BLM: variants seen among roughly 807,000 people sequenced by gnomAD.
BLM encodes recQ-like DNA helicase BLM.
BLM carries 95 observed loss-of-function variants against 135.3 expected under a neutral mutation model. That is an observed-to-expected ratio of 0.70 (90% CI 0.59 to 0.83). The LOEUF (loss-of-function observed/expected upper bound fraction) is 0.83, where lower values mean the gene tolerates loss of function less well. Among genes scored for constraint, BLM ranks in the 40% least tolerant of loss-of-function variants. The pLI is 0.00. For synonymous variants in BLM, 520 were observed against 589.2 expected, an observed-to-expected ratio of 0.88 and a Z score of 1.70; for missense variants, 1,518 against 1,663.9, an observed-to-expected ratio of 0.91 and a Z score of 1.53.
intron 4 of BLM, among the ~76,000 whole-genome samples, chr15:90,753,846 C>T (rs1263752107): frequency 6.6e-6 from 1 of 152,200 alleles, no homozygotes; most frequent in Non-Finnish European, 1.5e-5. Context: ...AGCTTTATCT[C>T]CACTTATGCC....
At chr15:90,742,132 A>T (rs1254735292) in intron 1 of BLM, among the ~76,000 whole-genome samples, 2 of 152,214 alleles carry the variant, frequency 1.3e-5, no homozygotes, top group African/African-American at 2.4e-5. Context: ...TTTATCAGAG[A>T]ACAGAAAGTT....
rs1469527799 is a variant in BLM, at chr15:90,803,613, C to T, written c.3451C>T (p.Leu1151Phe). ...NAERLFKKLI[L>F]DKILDEDLYI... The stretch of plus-strand genomic sequence containing the variant: ...CGAAAGACTTTTTAAAAAGCTGATA[C>T]TTGACAAGATTTTGGATGAAGACTT... The change falls in exon 18 of 22, where the codon CTT becomes TTT. Residue 1151 changes from leucine (L) to phenylalanine (F), a missense_variant. By Grantham distance (22) the Leu-to-Phe change is conservative. Around this residue, in one of 5 missense-constraint regions of BLM, gnomAD observed 626 missense variants for 681.1 expected, o/e 0.92. Coordinates refer to ENST00000355112, the MANE Select transcript of BLM (RefSeq NM_000057.4). 2.5e-6 allele frequency: 4 copies of T among 1,614,092 alleles called. No individual in the cohort carries two copies. The highest frequency in any genetic ancestry group is 3.3e-5 in the Admixed American group (2 of 60,020).
chr15:90,805,868 TA>T (rs1447356766), intron 19 of BLM, among the ~76,000 whole-genome samples: 1 of 151,896 alleles, frequency 6.6e-6, no homozygotes, highest in African/African-American at 2.4e-5. Flanking sequence ...ATTACTTCAT[TA>T]TTTGTGCTGA....
In BLM at chr15:90,760,243, A is replaced by G; in HGVS notation, c.1184A>G (p.Asp395Gly). 6.2e-7 allele frequency: 1 copy of G among 1,614,116 alleles called. No homozygotes were observed. The highest frequency in any genetic ancestry group is 8.5e-7 in the Non-Finnish European group (1 of 1,180,030). ...CCTGATGATAAACTGAAACTTTTGG[A>G]TTGTGGGAACGAACTGCTTCAGCAG... ...TIPDDKLKLLDCGNELLQQRN... is the reference protein window; with the variant it reads ...TIPDDKLKLLGCGNELLQQRN... The change falls in exon 6 of 22, where the codon GAT becomes GGT. Residue 395 changes from aspartate to glycine, a missense_variant. Around this residue, in one of 5 missense-constraint regions of BLM, gnomAD observed 724 missense variants for 756.9 expected, o/e 0.96. Coordinates refer to ENST00000355112, the MANE Select transcript of BLM (RefSeq NM_000057.4).
intron 1 of BLM, among the ~76,000 whole-genome samples, chr15:90,741,787 A>G (rs891698634): frequency 2.6e-5 from 4 of 152,140 alleles, no homozygotes; most frequent in African/African-American, 7.2e-5. Flanking sequence ...CCTTTTTCGA[A>G]TATTTTTGCA....
intron 5 of BLM, among the ~76,000 whole-genome samples, chr15:90,757,216 C>T (rs1196117294): frequency 6.6e-6 from 1 of 151,814 alleles, no homozygotes; most frequent in Non-Finnish European, 1.5e-5. Context: ...TTGGCAATCA[C>T]TTTCAAATTT....
Position 90,749,554 on chromosome 15 carries a change from G to A in BLM, c.286G>A (p.Gly96Arg), listed in dbSNP as rs2151147019. 1 of 1,614,190 alleles carries A rather than the reference G, an allele frequency of 6.2e-7. No individual in the cohort carries two copies. Among genetic ancestry groups the A allele is most frequent in the Non-Finnish European group, 8.5e-7 (1 of 1,180,044 alleles). ...GGACTTCTTTAAAAATGCTCCAGCAGGACAGGAAACACAGAGAGGTGGATC... is the reference window on the plus strand; with the variant it reads ...GGACTTCTTTAAAAATGCTCCAGCAAGACAGGAAACACAGAGAGGTGGATC... Reference protein sequence around the residue: ...VKDFFKNAPAGQETQRGGSKS... With the variant: ...VKDFFKNAPARQETQRGGSKS... Residue 96 changes from glycine (G) to arginine (R), a missense_variant, in exon 3 of 22, where the codon GGA becomes AGA. By Grantham distance (125) the Gly-to-Arg change is moderately radical (BLOSUM62 -2). Transcript: ENST00000355112.
At chr15:90,727,613 CAG>C (rs1293698169) in intron 1 of BLM, among the ~76,000 whole-genome samples, 2 of 152,122 alleles carry the variant, frequency 1.3e-5, no homozygotes, top group Non-Finnish European at 2.9e-5. Context: ...CCCCTAGATT[CAG>C]AGTCTCTAAC....
intron 12 of BLM, among the ~76,000 whole-genome samples, chr15:90,778,267 G>A (rs1896530388): frequency 6.6e-6 from 1 of 152,088 alleles, no homozygotes; most frequent in African/African-American, 2.4e-5. Context: ...AAAGTAATTT[G>A]TTTGACTAAA....
intron 19 of BLM, among the ~76,000 whole-genome samples, chr15:90,804,840 TTTTG>T (rs1241887217): frequency 6.6e-6 from 1 of 152,128 alleles, no homozygotes. Flanking sequence ...CTTATTCTTT[TTTTG>T]TTTGTTTTTG....
In BLM at chr15:90,790,804, T is replaced by C. The variant is rs1896887595; in HGVS notation, c.2979T>C (p.Tyr993=). 1 of 1,614,082 alleles carries C rather than the reference T, an allele frequency of 6.2e-7. No homozygotes were observed. The highest frequency in any genetic ancestry group is 8.5e-7 in the Non-Finnish European group (1 of 1,180,034). Residue 993 remains tyrosine (Y), a synonymous_variant, in exon 15 of 22, where the codon TAT becomes TAC. Transcript: ENST00000355112. ...AAATATCTCACTGCCTGCTTTTCTA[T>C]ACCTATCATGATGTGACCAGACTGA... is the stretch of plus-strand genomic sequence containing the variant. The part of the protein sequence containing the change: ...DGEISHCLLF[Y]TYHDVTRLKR...
chr15:90,749,229 T>C (rs1895595230), intron 2 of BLM, 138 bp from the exon 3 acceptor site: 1 of 644,954 alleles, frequency 1.6e-6, no homozygotes, highest in Non-Finnish European at 2.6e-6. Flanking sequence ...AAATTTAAAA[T>C]CGAGAGAGAT....
chr15:90,784,644 CT>C (rs1358359246), intron 13 of BLM, among the ~76,000 whole-genome samples: 3 of 151,460 alleles, frequency 2.0e-5, no homozygotes, highest in Non-Finnish European at 2.9e-5. Context: ...CCAAGGATGG[CT>C]TTTTTATACC....
chr15:90,739,640 T>C (rs770338252), intron 1 of BLM, among the ~76,000 whole-genome samples: 7 of 152,206 alleles, frequency 4.6e-5, no homozygotes, highest in Non-Finnish European at 1.0e-4. Flanking sequence ...CCACTTACAG[T>C]GTGAATACAT....
At chr15:90,798,599 T>C (rs923339726) in intron 17 of BLM, among the ~76,000 whole-genome samples, 1 of 151,844 alleles carries the variant, frequency 6.6e-6, no homozygotes, top group African/African-American at 2.4e-5. Flanking sequence ...AATGTAACTA[T>C]TAAAATGTCA....
At chr15:90,803,455 C>A in intron 17 of BLM, 66 bp from the exon 18 acceptor site, 1 of 1,477,096 alleles carries the variant, frequency 6.8e-7, no homozygotes. Context: ...ACTTTTTAGC[C>A]TCTTCTATTT....
rs942202518 is a variant in BLM at position 90,811,108 on chromosome 15, G to A, written c.3875-97G>A. Reference sequence around the variant, plus strand: ...ATGGCAGGGAAGCAGCTAGGTATCTGCTAAAATGGGCCCCTGCAGCGTGTC... The same window carrying A: ...ATGGCAGGGAAGCAGCTAGGTATCTACTAAAATGGGCCCCTGCAGCGTGTC... On this transcript the variant is annotated intron_variant, in intron 20 of 21. Transcript: ENST00000355112. 3.4e-5 allele frequency: 44 copies of A among 1,301,038 alleles called. No homozygotes were observed. The East Asian group carries it at 1.0e-3, about 30-fold the overall frequency. 80.6% of individuals were successfully genotyped at this position (1,301,038 alleles called of 1,614,324 possible).
At chr15:90,752,066 T>C (rs1895702419) in intron 4 of BLM, 120 bp downstream of exon 4, 1 of 1,008,586 alleles carries the variant, frequency 9.9e-7, no homozygotes, top group African/African-American at 1.6e-5. Context: ...TTATTTTACA[T>C]TCAAGTGAAA....
chr15:90,774,470 A>G (rs1401909754), intron 12 of BLM, among the ~76,000 whole-genome samples: 1 of 152,058 alleles, frequency 6.6e-6, no homozygotes, highest in Non-Finnish European at 1.5e-5. Context: ...TTACAGCTAT[A>G]TGAAGTGGTA....
Sources: gnomAD v4.1 joint callset for allele counts (sites outside exome capture counted in the v4.1 genomes callset) on GRCh38, gnomAD v4.1.1 for gene constraint, gnomAD v4.1.1 regional missense constraint, MANE v1.5 for transcripts, NCBI Gene and HGNC (gene_info 2026-07-23, HGNC 2026-07-21) for gene names.